THSD7B: variants seen among roughly 807,000 people sequenced by gnomAD.
THSD7B encodes the protein thrombospondin type 1 domain containing 7B.
Under a neutral mutation model 213.6 loss-of-function variants are expected in THSD7B, and 138 were observed. The observed-to-expected ratio is 0.65, with a 90% CI of 0.56 to 0.74. The LOEUF is 0.74. Ranked by LOEUF, THSD7B falls within the 30% of genes least tolerant of loss-of-function variation. The pLI is 0.00. For missense variants in THSD7B, 1,931 were observed against 1,991.5 expected (o/e 0.97, Z 0.58); for synonymous variants, 742 against 687.0 (o/e 1.08, Z -1.25).
intron 12 of THSD7B, among the ~76,000 whole-genome samples, chr2:137,323,699 C>T (rs779771108): frequency 2.4e-4 from 36 of 152,224 alleles, no homozygotes; most frequent in Non-Finnish European, 4.7e-4. Context: ...ATGAATTTGA[C>T]TGGAAACCTG....
chr2:137,049,122 A>G (rs1687017424), intron 2 of THSD7B, among the ~76,000 whole-genome samples: 1 of 152,256 alleles, frequency 6.6e-6, no homozygotes. Flanking sequence ...AAAACATTTC[A>G]TAAATATCTT....
At chr2:136,861,433 T>G (rs984123548) in intron 1 of THSD7B, among the ~76,000 whole-genome samples, 1 of 152,196 alleles carries the variant, frequency 6.6e-6, no homozygotes, top group Admixed American at 6.5e-5. Context: ...TTAAGACAAC[T>G]CCACAATAAA....
intron 4 of THSD7B, among the ~76,000 whole-genome samples, chr2:137,112,670 T>C (rs976172652): frequency 3.3e-5 from 5 of 152,188 alleles, no homozygotes; most frequent in African/African-American, 1.2e-4. Context: ...TGCTCTTTGT[T>C]GAACTGCTGT....
intron 16 of THSD7B, among the ~76,000 whole-genome samples, chr2:137,564,674 G>T (rs1280010446): frequency 6.6e-6 from 1 of 152,058 alleles, no homozygotes; most frequent in Non-Finnish European, 1.5e-5. Flanking sequence ...AAAATCTCAG[G>T]AGAAAAAGAA....
intron 1 of THSD7B, among the ~76,000 whole-genome samples, chr2:136,811,362 T>C (rs1682374053): frequency 1.3e-5 from 2 of 152,142 alleles, no homozygotes; most frequent in South Asian, 2.1e-4. Context: ...AGGTAAGTAA[T>C]TGTCATGTGA....
chr2:137,313,976 T>G (rs1684004940), intron 12 of THSD7B, among the ~76,000 whole-genome samples: 2 of 152,206 alleles, frequency 1.3e-5, no homozygotes, highest in South Asian at 4.1e-4. Context: ...AATCTGACAA[T>G]TATGTGTCTT....
intron 12 of THSD7B, among the ~76,000 whole-genome samples, chr2:137,293,139 A>AT (rs912536569): frequency 6.6e-6 from 1 of 150,572 alleles, no homozygotes; most frequent in African/African-American, 2.5e-5. Flanking sequence ...TTTTTGACAG[A>AT]TAGTCTTTTT....
At chr2:136,795,414 C>T (rs80101947) in intron 1 of THSD7B, among the ~76,000 whole-genome samples, 2,833 of 151,920 alleles carry the variant, frequency 0.019, 89 homozygotes, top group African/African-American at 0.064. Context: ...TATGTTGGGC[C>T]CATCTGGATA....
intron 12 of THSD7B, among the ~76,000 whole-genome samples, chr2:137,340,084 T>C (rs2104905823): frequency 6.6e-6 from 1 of 151,988 alleles, no homozygotes; most frequent in Non-Finnish European, 1.5e-5. Flanking sequence ...ATCATTGTGA[T>C]TTATAGTCAA....
chr2:137,531,660 A>G (rs1680399872), intron 15 of THSD7B, among the ~76,000 whole-genome samples: 1 of 151,976 alleles, frequency 6.6e-6, no homozygotes, highest in African/African-American at 2.4e-5. Flanking sequence ...GCAGTTAGCT[A>G]ATTTCAGGTG....
intron 3 of THSD7B, among the ~76,000 whole-genome samples, chr2:137,057,984 T>G (rs535740725): frequency 9.2e-5 from 14 of 152,222 alleles, no homozygotes; most frequent in Non-Finnish European, 1.3e-4. Flanking sequence ...AATGAAGCAT[T>G]TGTGTATTAC....
chr2:137,549,426 C>T (rs1680803946), intron 15 of THSD7B, among the ~76,000 whole-genome samples: 1 of 148,472 alleles, frequency 6.7e-6, no homozygotes, highest in African/African-American at 2.5e-5. Flanking sequence ...ATCTACCTAT[C>T]CTTGCACTAG....
At chr2:137,168,971 A>G (rs1175719005) in intron 6 of THSD7B, among the ~76,000 whole-genome samples, 1 of 151,982 alleles carries the variant, frequency 6.6e-6, no homozygotes, top group Admixed American at 6.6e-5. Flanking sequence ...TGGCTAGTTA[A>G]TGATATAGAC....
chr2:137,383,787 G>A (rs1049726032), intron 12 of THSD7B, among the ~76,000 whole-genome samples: 2 of 152,036 alleles, frequency 1.3e-5, no homozygotes, highest in Non-Finnish European at 2.9e-5. Flanking sequence ...AACTGTCTAC[G>A]ACTTCTTGAG....
chr2:137,383,572 C>T (rs959956837), intron 12 of THSD7B, among the ~76,000 whole-genome samples: 19 of 152,178 alleles, frequency 1.2e-4, no homozygotes, highest in Non-Finnish European at 1.0e-4. Context: ...AGCGCAGGCA[C>T]GTAACTCCAC....
intron 12 of THSD7B, among the ~76,000 whole-genome samples, chr2:137,311,286 T>C (rs554811650): frequency 2.0e-3 from 304 of 151,780 alleles, no homozygotes; most frequent in African/African-American, 6.7e-3. Context: ...GGGACTTCAC[T>C]CATGATTTGG....
intron 16 of THSD7B, among the ~76,000 whole-genome samples, chr2:137,565,119 G>GA: frequency 6.6e-6 from 1 of 152,116 alleles, no homozygotes; most frequent in East Asian, 1.9e-4. Context: ...GGCCTCAGGA[G>GA]AAAAAAGAAA....
Position 137,559,547 on chromosome 2 carries a change from G to T in THSD7B, c.3139-3674G>T, listed in dbSNP as rs776925928. On this transcript the variant is annotated intron_variant, in intron 15 of 27. Transcript: ENST00000409968. ...TGAAACTGGATCCCTTCCTTACACA[G>T]TATACAAAAATTAATTCAGGATGGA... Among the ~76,000 whole-genome samples the T allele has an allele frequency of 2.8e-4, 42 of 151,926 alleles. 1 individual carries two copies. Among genetic ancestry groups the T allele is most frequent in the Admixed American group, 8.5e-4 (13 of 15,228 alleles).
intron 15 of THSD7B, among the ~76,000 whole-genome samples, chr2:137,530,471 T>C (rs1324036900): frequency 6.6e-6 from 1 of 152,006 alleles, no homozygotes; most frequent in African/African-American, 2.4e-5. Context: ...ATATAAATGA[T>C]ACTTCCTGGA....
Sources: gnomAD v4.1 joint callset for allele counts (sites outside exome capture counted in the v4.1 genomes callset) on GRCh38, gnomAD v4.1.1 for gene constraint, MANE v1.5 for transcripts, NCBI Gene and HGNC (gene_info 2026-07-23, HGNC 2026-07-21) for gene names.